STXBP5: variants seen among roughly 807,000 people sequenced by gnomAD.
STXBP5 encodes syntaxin-binding protein 5.
STXBP5 carries 50 observed loss-of-function variants against 152.4 expected under a neutral mutation model. The observed-to-expected ratio is 0.33, with a 90% confidence interval of 0.26 to 0.42. STXBP5 has a LOEUF of 0.42. STXBP5 is among the 10% of genes least tolerant of loss of function. STXBP5 has a pLI of 1.00. For missense variants in STXBP5, 1,167 were observed against 1,388.6 expected (o/e 0.84, Z 2.54); for synonymous variants, 492 against 494.7 (o/e 0.99, Z 0.07).
rs750999794 is a variant in STXBP5, at chr6:147,373,821, T to C, written c.3172T>C (p.Ser1058Pro). 1.6e-5 allele frequency: 25 copies of C among 1,612,646 alleles called. No homozygotes were observed. Among genetic ancestry groups the C allele is most frequent in the Non-Finnish European group, 2.1e-5 (25 of 1,178,910 alleles). ...AGGCTTATTTGGAGGTGGTGCACAATCTCTTGACAGAGAAGAACTATGTAA... is the reference window on the plus strand; with the variant it reads ...AGGCTTATTTGGAGGTGGTGCACAACCTCTTGACAGAGAAGAACTATGTAA... ...FKGLFGGGAQSLDREELFGES... is the reference protein window; with the variant it reads ...FKGLFGGGAQPLDREELFGES... The change falls in exon 26 of 28, where the codon TCT (serine) becomes CCT (proline). Residue 1058 changes from serine (S) to proline (P), a missense_variant. Ser to Pro is a moderately conservative substitution (Grantham distance 74). Around this residue, in one of 3 missense-constraint regions of STXBP5, gnomAD observed 833 missense variants for 986.3 expected, o/e 0.84. Transcript: ENST00000321680.
chr6:147,229,223 A>G (rs1259442192), intron 2 of STXBP5, among the ~76,000 whole-genome samples: 1 of 152,092 alleles, frequency 6.6e-6, no homozygotes, highest in Non-Finnish European at 1.5e-5. Flanking sequence ...ATATTTAAGA[A>G]TATCGTATGT....
intron 8 of STXBP5, among the ~76,000 whole-genome samples, chr6:147,289,690 A>G (rs749604465): frequency 1.1e-4 from 16 of 152,128 alleles, no homozygotes; most frequent in African/African-American, 3.6e-4. Context: ...ATCCAAACAC[A>G]TCAGATTAAA....
intron 9 of STXBP5, among the ~76,000 whole-genome samples, chr6:147,303,363 A>G (rs527634092): frequency 2.9e-4 from 44 of 152,250 alleles, no homozygotes; most frequent in African/African-American, 7.2e-4. Flanking sequence ...GCTCTCTGTC[A>G]TGTGAAGAAG....
intron 9 of STXBP5, among the ~76,000 whole-genome samples, chr6:147,291,844 G>C (rs1410433422): frequency 6.6e-6 from 1 of 152,030 alleles, no homozygotes; most frequent in Non-Finnish European, 1.5e-5. Flanking sequence ...AAAAGTATAT[G>C]GTTTTATTTA....
At chr6:147,379,313 T>C (rs933892473) in intron 26 of STXBP5, among the ~76,000 whole-genome samples, 1 of 152,124 alleles carries the variant, frequency 6.6e-6, no homozygotes, top group African/African-American at 2.4e-5. Context: ...TCACCCATAG[T>C]ATTTCTTTTA....
chr6:147,335,798 C>CA (rs564853131), intron 19 of STXBP5, among the ~76,000 whole-genome samples: 350 of 135,730 alleles, frequency 2.6e-3, no homozygotes, highest in Non-Finnish European at 3.4e-3. Context: ...GACTACGTCT[C>CA]AAAAAAAAAA....
intron 4 of STXBP5, among the ~76,000 whole-genome samples, chr6:147,254,772 A>G (rs1779273394): frequency 6.6e-6 from 1 of 152,256 alleles, no homozygotes; most frequent in African/African-American, 2.4e-5. Flanking sequence ...ATGAGATATC[A>G]TCTCACACCA....
chr6:147,325,302 T>C (rs1783191161), intron 17 of STXBP5, among the ~76,000 whole-genome samples: 1 of 152,202 alleles, frequency 6.6e-6, no homozygotes, highest in Non-Finnish European at 1.5e-5. Context: ...TAAAGTTAAA[T>C]GCCTCATGGA....
chr6:147,207,992 G>A (rs1364911362), intron 2 of STXBP5, among the ~76,000 whole-genome samples: 1 of 152,138 alleles, frequency 6.6e-6, no homozygotes. Flanking sequence ...GGTGTAAAGC[G>A]TTAGGCCTAG....
At chr6:147,318,919 T>G (rs1183940370) in intron 16 of STXBP5, among the ~76,000 whole-genome samples, 2 of 152,224 alleles carry the variant, frequency 1.3e-5, no homozygotes, top group Non-Finnish European at 2.9e-5. Context: ...CTTACTGAAT[T>G]TAATCAACTT....
intron 4 of STXBP5, among the ~76,000 whole-genome samples, chr6:147,260,153 T>C (rs1779574111): frequency 6.6e-6 from 1 of 152,172 alleles, no homozygotes. Flanking sequence ...GGTATTTGAA[T>C]TGAATCTTTG....
chr6:147,372,028 T>TA (rs1785564237), intron 25 of STXBP5, among the ~76,000 whole-genome samples: 1 of 152,192 alleles, frequency 6.6e-6, no homozygotes, highest in African/African-American at 2.4e-5. Context: ...AATATAATAA[T>TA]AGACATCAGT....
At chr6:147,212,749 G>A (rs377164000) in intron 2 of STXBP5, among the ~76,000 whole-genome samples, 1 of 152,178 alleles carries the variant, frequency 6.6e-6, no homozygotes, top group Non-Finnish European at 1.5e-5. Context: ...AGAAGCACAA[G>A]TGTAAACCTT....
At chr6:147,234,908 A>G (rs553358735) in intron 2 of STXBP5, among the ~76,000 whole-genome samples, 4 of 152,174 alleles carry the variant, frequency 2.6e-5, no homozygotes, top group Non-Finnish European at 4.4e-5. Context: ...TGTTCTATAG[A>G]TCCAACCACC....
chr6:147,274,893 G>A lies in STXBP5; in HGVS notation c.715-3188G>A, dbSNP rs539250440. Among the ~76,000 whole-genome samples the A allele has an allele frequency of 3.9e-5, 6 of 152,174 alleles. No homozygotes were observed. In the East Asian group the frequency reaches 1.2e-3, roughly 29 times the overall value. ...GAATATTAATTAGTATATGTGTAAT[G>A]TAAGAGCAGCTGGATTAGGATTTAT... On this transcript the variant is annotated intron_variant, in intron 7 of 27. Transcript: ENST00000321680.
At chr6:147,224,876 T>C (rs1421274659) in intron 2 of STXBP5, among the ~76,000 whole-genome samples, 4 of 152,322 alleles carry the variant, frequency 2.6e-5, no homozygotes, top group African/African-American at 9.6e-5. Flanking sequence ...ATTACAGTGG[T>C]ATTTAGATTT....
chr6:147,251,143 C>T (rs1021637398), intron 4 of STXBP5, among the ~76,000 whole-genome samples: 9 of 152,088 alleles, frequency 5.9e-5, no homozygotes, highest in African/African-American at 1.2e-4. Context: ...GAGAGTGAGC[C>T]GAAGCAGGGT....
rs370194283 is a variant in STXBP5, at chr6:147,262,431, A to G, written c.630+78A>G. ...TCAATAAACATGCTATTTCAGGATCACACTTATTACAAATTGAGATTACCA... is the reference window on the plus strand; with the variant it reads ...TCAATAAACATGCTATTTCAGGATCGCACTTATTACAAATTGAGATTACCA... On this transcript the variant is annotated intron_variant, in intron 6 of 27. Coordinates refer to ENST00000321680, the MANE Select transcript of STXBP5 (RefSeq NM_001127715.4). 60 of 817,882 alleles carry G rather than the reference A, an allele frequency of 7.3e-5. No homozygotes were observed. The East Asian group carries it at 9.5e-4, about 13-fold the overall frequency. The allele number at this position is 817,882 out of a possible 1,614,324, so 50.7% of individuals were successfully genotyped here. A position where few individuals can be genotyped will look rare whatever the true frequency, so the allele number is the denominator to read the frequency against.
At chr6:147,359,856 A>G (rs529432316) in intron 23 of STXBP5, among the ~76,000 whole-genome samples, 1 of 152,098 alleles carries the variant, frequency 6.6e-6, no homozygotes, top group Admixed American at 6.5e-5. Flanking sequence ...AATCCAGTCT[A>G]TCATTGTTGG....
Sources: allele counts gnomAD v4.1 joint callset (sites outside exome capture counted in the v4.1 genomes callset), GRCh38; gene constraint gnomAD v4.1.1; regional missense constraint gnomAD v4.1.1; transcripts MANE v1.5; gene names NCBI Gene and HGNC (gene_info 2026-07-23, HGNC 2026-07-21).